The following SKP1 variants were observed in gnomAD, a reference collection of about 807,000 sequenced individuals.
The protein encoded by SKP1 is S-phase kinase-associated protein 1.
Under a neutral mutation model 21.5 loss-of-function variants are expected in SKP1, and 1 was observed. The observed-to-expected ratio is 0.05, with a 90% CI of 0.02 to 0.22. The LOEUF (loss-of-function observed/expected upper bound fraction) is 0.22, where lower values mean the gene tolerates loss of function less well. Ranked by LOEUF, SKP1 falls within the 10% of genes least tolerant of loss-of-function variation. The pLI is 1.00. For synonymous variants in SKP1, 59 were observed against 59.3 expected (o/e 0.99, Z 0.03); for missense variants, 70 against 192.0 (o/e 0.36, Z 3.76).
rs1207101980 is a variant in SKP1, at chr5:134,150,442, T to C, written c.*7291A>G. Reference sequence around the variant, plus strand: ...GAAAGGGAATCAGTTCCTGCATCCGTTTCTCAGAAAACAGCACAGAACAGA... The same window carrying C: ...GAAAGGGAATCAGTTCCTGCATCCGCTTCTCAGAAAACAGCACAGAACAGA... On this transcript the variant is annotated 3_prime_UTR_variant, in exon 6 of 6. Coordinates refer to ENST00000353411, the MANE Select transcript of SKP1 (RefSeq NM_170679.3). The C allele has an allele frequency of 6.6e-6, 1 of 152,216 alleles. No homozygotes were observed. The highest frequency in any genetic ancestry group is 1.5e-5 in the Non-Finnish European group (1 of 68,034). The allele number at this position is 152,216 out of a possible 1,614,324, so 9.4% of individuals were successfully genotyped here.
At chr5:134,174,933 T>C (rs981536923) in intron 1 of SKP1, 1 of 152,030 alleles carries the variant, frequency 6.6e-6, no homozygotes, top group Non-Finnish European at 1.5e-5. Flanking sequence ...TAGCAATACC[T>C]GGTACAGATT....
At position 134,158,376 on chromosome 5, in the gene SKP1, A is replaced by C. The variant is rs953972681; in HGVS notation, c.456+79T>G. ...AGTATCAAGACTACTTGATACAGTC[A>C]CCTCTTTTGCTGGCATGTTATAGGT... On this transcript the variant is annotated intron_variant, in intron 5 of 5. Coordinates refer to ENST00000353411, the MANE Select transcript of SKP1 (RefSeq NM_170679.3). 1.7e-5 allele frequency: 27 copies of C among 1,610,850 alleles called. No individual in the cohort carries two copies. In the Middle Eastern group the frequency reaches 2.6e-3, roughly 157 times the overall value.
At position 134,152,034 on chromosome 5, in the gene SKP1, A is replaced by G. The variant is rs1761051879; in HGVS notation, c.*5699T>C. 3 of 178,842 alleles carry G rather than the reference A, an allele frequency of 1.7e-5. No individual in the cohort carries two copies. The highest frequency in any genetic ancestry group is 3.6e-5 in the Non-Finnish European group (3 of 82,972). 11.1% of individuals were successfully genotyped at this position (178,842 alleles called of 1,614,324 possible). On this transcript the variant is annotated 3_prime_UTR_variant, in exon 6 of 6. Coordinates refer to ENST00000353411, the MANE Select transcript of SKP1 (RefSeq NM_170679.3). Reference sequence around the variant, plus strand: ...TGAAATATTTCTTACACCATACTTCATCTTGATATGCACAGCCAGTTCTCT... The same window carrying G: ...TGAAATATTTCTTACACCATACTTCGTCTTGATATGCACAGCCAGTTCTCT...
chr5:134,172,507 G>A (rs1170421774), intron 2 of SKP1, among the ~76,000 whole-genome samples: 2 of 151,368 alleles, frequency 1.3e-5, no homozygotes, highest in African/African-American at 2.4e-5. Context: ...ACTTCCTTAT[G>A]CTGCATATAT....
Position 134,157,602 on chromosome 5 carries a change from A to G in SKP1, c.*131T>C. The G allele has an allele frequency of 4.9e-6, 4 of 816,734 alleles. No homozygotes were observed. Among genetic ancestry groups the G allele is most frequent in the Non-Finnish European group, 8.5e-6 (4 of 469,730 alleles). 50.6% of individuals were successfully genotyped at this position (816,734 alleles called of 1,614,324 possible). On this transcript the variant is annotated 3_prime_UTR_variant, in exon 6 of 6. Coordinates refer to ENST00000353411, the MANE Select transcript of SKP1 (RefSeq NM_170679.3). ...TCAAACTACACATGCAATGAGGACAATATTCTGCTAATACAATTGACTTGC... is the reference window on the plus strand; with the variant it reads ...TCAAACTACACATGCAATGAGGACAGTATTCTGCTAATACAATTGACTTGC...
chr5:134,174,923 T>C (rs369445626), intron 1 of SKP1: 2 of 151,860 alleles, frequency 1.3e-5, no homozygotes, highest in African/African-American at 2.4e-5. Flanking sequence ...ACAAAAAGAA[T>C]AGCAATACCT....
chr5:134,152,767 C>T lies in SKP1; in HGVS notation c.*4966G>A, dbSNP rs1436153340. ...ATGTTGGCCAGGATGGTCTCGATCT[C>T]TTGACCTCGTGATCTGCACACCTCA... On this transcript the variant is annotated 3_prime_UTR_variant, in exon 6 of 6. Coordinates refer to ENST00000353411, the MANE Select transcript of SKP1 (RefSeq NM_170679.3). 6.6e-6 allele frequency: 1 copy of T among 152,338 alleles called. No individual in the cohort carries two copies. Among genetic ancestry groups the T allele is most frequent in the Non-Finnish European group, 1.5e-5 (1 of 68,146 alleles). 9.4% of individuals were successfully genotyped at this position (152,338 alleles called of 1,614,324 possible).
intron 2 of SKP1, 58 bp from the exon 3 acceptor site, chr5:134,167,301 C>T (rs1761349936): frequency 5.6e-6 from 6 of 1,079,268 alleles, no homozygotes; most frequent in Non-Finnish European, 8.6e-6. Flanking sequence ...CTTATACCAA[C>T]CAGGCTATGT....
intron 2 of SKP1, among the ~76,000 whole-genome samples, chr5:134,168,070 A>C (rs1303095312): frequency 1.3e-5 from 2 of 152,244 alleles, no homozygotes; most frequent in Admixed American, 1.3e-4. Flanking sequence ...CTAACGATGG[A>C]GTCCATGACC....
chr5:134,165,119 G>A (rs1761303018), intron 3 of SKP1, among the ~76,000 whole-genome samples: 1 of 151,850 alleles, frequency 6.6e-6, no homozygotes, highest in African/African-American at 2.4e-5. Flanking sequence ...TGGGTACAGA[G>A]TTTCAGTGTG....
chr5:134,175,368 C>A (rs1198684058), intron 1 of SKP1: 1 of 152,212 alleles, frequency 6.6e-6, no homozygotes. Context: ...TTAGCGCTTG[C>A]CAATAATGCA....
chr5:134,172,093 C>A (rs531608342), intron 2 of SKP1, among the ~76,000 whole-genome samples: 1 of 152,342 alleles, frequency 6.6e-6, no homozygotes, highest in Admixed American at 6.5e-5. Context: ...TTACATACTG[C>A]AATCTCTTCA....
chr5:134,150,367 A>G lies in SKP1; in HGVS notation c.*7366T>C, dbSNP rs151044716. 1.3e-5 allele frequency: 2 copies of G among 152,346 alleles called. No homozygotes were observed. Among genetic ancestry groups the G allele is most frequent in the Non-Finnish European group, 2.9e-5 (2 of 68,038 alleles). 9.4% of individuals were successfully genotyped at this position (152,346 alleles called of 1,614,324 possible). Reference sequence around the variant, plus strand: ...ATACATAAGCCTGGCCAGGAAGGCCACAAGTAAAGGGAAGCGGAAGGGTTC... The same window carrying G: ...ATACATAAGCCTGGCCAGGAAGGCCGCAAGTAAAGGGAAGCGGAAGGGTTC... On this transcript the variant is annotated 3_prime_UTR_variant, in exon 6 of 6. Coordinates refer to ENST00000353411, the MANE Select transcript of SKP1 (RefSeq NM_170679.3).
chr5:134,154,656 T>C lies in SKP1; in HGVS notation c.*3077A>G, dbSNP rs1199339879. 4 of 152,118 alleles carry C rather than the reference T, an allele frequency of 2.6e-5. No homozygotes were observed. Among genetic ancestry groups the C allele is most frequent in the Non-Finnish European group, 4.4e-5 (3 of 68,032 alleles). The allele number at this position is 152,118 out of a possible 1,614,324, so 9.4% of individuals were successfully genotyped here. ...GACTTCATCATTAAAAGCAGCACAC[T>C]GCAGAAAGCAGCATGTTGTTTACAG... On this transcript the variant is annotated 3_prime_UTR_variant, in exon 6 of 6. Coordinates refer to ENST00000353411, the MANE Select transcript of SKP1 (RefSeq NM_170679.3).
rs1324164163 is a variant in SKP1 at position 134,155,644 on chromosome 5, T to C, written c.*2089A>G. On this transcript the variant is annotated 3_prime_UTR_variant, in exon 6 of 6. Coordinates refer to ENST00000353411, the MANE Select transcript of SKP1 (RefSeq NM_170679.3). ...ATAGTGACGTTATTTACTCATATAATTCTAACTACTGCTGAGTATTATACA... is the reference window on the plus strand; with the variant it reads ...ATAGTGACGTTATTTACTCATATAACTCTAACTACTGCTGAGTATTATACA... 1 of 152,240 alleles carries C rather than the reference T, an allele frequency of 6.6e-6. No homozygotes were observed. The highest frequency in any genetic ancestry group is 1.5e-5 in the Non-Finnish European group (1 of 68,040). The allele number at this position is 152,240 out of a possible 1,614,324, so 9.4% of individuals were successfully genotyped here.
chr5:134,174,327 C>T (rs142949753), intron 1 of SKP1: 1 of 256,090 alleles, frequency 3.9e-6, no homozygotes, highest in Non-Finnish European at 7.4e-6. Flanking sequence ...GCCTGCCTTT[C>T]GTCTCCCACT....
chr5:134,173,927 T>G lies in SKP1; in HGVS notation c.96A>C (p.Glu32Asp). ...KQSVTIKTML[E>D]DLGMDDEGDD... ...ACCCAGGTTTTCCAATGAACTTACC[T>G]TCCAACATGGTCTTAATAGTCACAG... Residue 32 changes from glutamate (E) to aspartate (D), a missense_variant and splice_region_variant, in exon 2 of 6, where the codon GAA becomes GAC. Physicochemically the swap from Glu to Asp is conservative, Grantham distance 45. Transcript: ENST00000353411. 1 of 1,571,776 alleles carries G rather than the reference T, an allele frequency of 6.4e-7. No individual in the cohort carries two copies. Among genetic ancestry groups the G allele is most frequent in the South Asian group, 1.1e-5 (1 of 90,174 alleles).
At chr5:134,170,994 G>A (rs1487204130) in intron 2 of SKP1, 1 of 455,460 alleles carries the variant, frequency 2.2e-6, no homozygotes, top group African/African-American at 2.0e-5. Flanking sequence ...TTTTTTTAGT[G>A]AGCACAACAT....
At chr5:134,158,398 A>T (rs1561718008) in intron 5 of SKP1, 57 bp downstream of exon 5, 5 of 1,613,316 alleles carry the variant, frequency 3.1e-6, no homozygotes, top group Admixed American at 1.7e-5. Flanking sequence ...GGCATGTTAT[A>T]GGTGTTACTC....
Sources: allele counts gnomAD v4.1 joint callset (sites outside exome capture counted in the v4.1 genomes callset), GRCh38; gene constraint gnomAD v4.1.1; transcripts MANE v1.5; gene names NCBI Gene and HGNC (gene_info 2026-07-23, HGNC 2026-07-21).